Variants in GTF2B observed in about 807,000 individuals in gnomAD.
The protein encoded by GTF2B is transcription initiation factor IIB.
Under a neutral mutation model 34.6 loss-of-function variants are expected in GTF2B, and 20 were observed. The observed-to-expected ratio is 0.58, with a 90% CI of 0.41 to 0.84. The LOEUF (loss-of-function observed/expected upper bound fraction) is 0.84. Ranked by LOEUF, GTF2B falls within the 40% of genes least tolerant of loss-of-function variation. The pLI is 0.00. For missense variants in GTF2B, 237 were observed against 393.3 expected (o/e 0.60, Z 3.36); for synonymous variants, 142 against 132.4 (o/e 1.07, Z -0.50).
chr1:88,860,750 C>T (rs931935445), intron 3 of GTF2B, among the ~76,000 whole-genome samples: 4 of 152,074 alleles, frequency 2.6e-5, no homozygotes, highest in Non-Finnish European at 5.9e-5. Context: ...AATCAAAATT[C>T]GTCTTTGATA....
intron 2 of GTF2B, among the ~76,000 whole-genome samples, chr1:88,884,087 G>C (rs1674010820): frequency 6.8e-6 from 1 of 147,808 alleles, no homozygotes; most frequent in Non-Finnish European, 1.5e-5. Context: ...GAGTGCAGTG[G>C]TGCAATCTCG....
chr1:88,884,619 T>C (rs889407726), intron 2 of GTF2B, among the ~76,000 whole-genome samples: 3 of 152,266 alleles, frequency 2.0e-5, no homozygotes, highest in Non-Finnish European at 2.9e-5. Flanking sequence ...TTAGAAACTT[T>C]AGTTGCAGCC....
chr1:88,868,610 C>T (rs1185984678), intron 2 of GTF2B, among the ~76,000 whole-genome samples: 1 of 152,148 alleles, frequency 6.6e-6, no homozygotes, highest in Non-Finnish European at 1.5e-5. Flanking sequence ...CTCTATTTTT[C>T]AAGAAGAAAC....
At chr1:88,890,265 A>G (rs962689984) in intron 1 of GTF2B, among the ~76,000 whole-genome samples, 2 of 152,190 alleles carry the variant, frequency 1.3e-5, no homozygotes, top group Non-Finnish European at 2.9e-5. Flanking sequence ...AACAACACCC[A>G]GATAGAATGA....
intron 1 of GTF2B, among the ~76,000 whole-genome samples, chr1:88,890,940 C>G (rs943064336): frequency 1.3e-5 from 2 of 152,026 alleles, no homozygotes; most frequent in African/African-American, 4.8e-5. Flanking sequence ...GCTCTAGCTT[C>G]CACTTCCGAG....
chr1:88,886,922 TA>T (rs1237578631), intron 2 of GTF2B, among the ~76,000 whole-genome samples: 2,177 of 146,476 alleles, frequency 0.015, 60 homozygotes, highest in African/African-American at 0.055. Flanking sequence ...TTATTATTAT[TA>T]TTATTTTTTT....
chr1:88,853,676 C>T (rs533329822), intron 6 of GTF2B, among the ~76,000 whole-genome samples: 39 of 151,978 alleles, frequency 2.6e-4, no homozygotes, highest in Non-Finnish European at 4.6e-4. Flanking sequence ...TGGTGGCATG[C>T]GCCTGTAGTC....
chr1:88,883,106 A>G (rs916934418), intron 2 of GTF2B, among the ~76,000 whole-genome samples: 2 of 152,228 alleles, frequency 1.3e-5, no homozygotes, highest in Non-Finnish European at 2.9e-5. Context: ...TTATGATTCA[A>G]ATGTTAACTT....
chr1:88,858,098 T>C (rs140695645), intron 5 of GTF2B, among the ~76,000 whole-genome samples: 89 of 151,948 alleles, frequency 5.9e-4, no homozygotes, highest in African/African-American at 2.1e-3. Context: ...CTCTGCCCCC[T>C]GGGTTCAAGC....
chr1:88,884,345 A>G lies in GTF2B; in HGVS notation c.124+2916T>C, dbSNP rs115299599. Among the ~76,000 whole-genome samples, 1,292 of 152,312 alleles carry G rather than the reference A, an allele frequency of 8.5e-3. 8 individuals are homozygous for G. The highest frequency in any genetic ancestry group is 0.014 in the Non-Finnish European group (974 of 68,034). On this transcript the variant is annotated intron_variant, in intron 2 of 6. Transcript: ENST00000370500. ...CTCGCCCAACACTGACTTCTTGAAT[A>G]AACAACTGCAAAGCAGCAATAACAT...
intron 1 of GTF2B, among the ~76,000 whole-genome samples, chr1:88,890,968 C>A (rs1372098068): frequency 6.6e-6 from 1 of 151,950 alleles, no homozygotes; most frequent in Admixed American, 6.6e-5. Flanking sequence ...GTGATGGTAA[C>A]CAACCAGGTT....
intron 2 of GTF2B, among the ~76,000 whole-genome samples, chr1:88,878,445 A>G (rs929602850): frequency 2.0e-5 from 3 of 152,262 alleles, no homozygotes; most frequent in African/African-American, 7.2e-5. Context: ...GTTGAATAGC[A>G]TTAACTATAG....
At chr1:88,856,272 C>CAAAAAAAAACAAAAA (rs1673303266) in intron 6 of GTF2B, among the ~76,000 whole-genome samples, 1 of 50,042 alleles carries the variant, frequency 2.0e-5, no homozygotes, top group Non-Finnish European at 3.4e-5. Context: ...GTTTCAAAAA[C>CAAAAAAAAACAAAAA]AAAAAAAAAA....
At chr1:88,853,995 A>G (rs1434198481) in intron 6 of GTF2B, among the ~76,000 whole-genome samples, 1 of 152,178 alleles carries the variant, frequency 6.6e-6, no homozygotes, top group Non-Finnish European at 1.5e-5. Context: ...ATATATGAAT[A>G]GTGTTCAGGT....
intron 2 of GTF2B, among the ~76,000 whole-genome samples, chr1:88,876,583 G>C (rs1435218614): frequency 2.6e-5 from 4 of 152,124 alleles, no homozygotes; most frequent in Admixed American, 2.0e-4. Flanking sequence ...TTGGGAAACT[G>C]AGGCAGGAGG....
rs562705880 is a variant in GTF2B at position 88,855,642 on chromosome 1, C to T, written c.817+1564G>A. Among the ~76,000 whole-genome samples, 310 of 151,852 alleles carry T rather than the reference C, an allele frequency of 2.0e-3. 1 individual carries two copies. The highest frequency in any genetic ancestry group is 3.7e-3 in the Non-Finnish European group (249 of 67,956). On this transcript the variant is annotated intron_variant, in intron 6 of 6. Coordinates refer to ENST00000370500, the MANE Select transcript of GTF2B (RefSeq NM_001514.6). ...TGCTGGGATTACACAGGTGAGCCAC[C>T]GCGACCTGCCACCAACTTTTCTTTT...
At chr1:88,876,592 G>A (rs539866004) in intron 2 of GTF2B, among the ~76,000 whole-genome samples, 11 of 152,242 alleles carry the variant, frequency 7.2e-5, no homozygotes, top group African/African-American at 2.4e-4. Context: ...TGAGGCAGGA[G>A]GCTACCTGAG....
At chr1:88,889,403 T>C (rs1674149480) in intron 1 of GTF2B, among the ~76,000 whole-genome samples, 1 of 152,236 alleles carries the variant, frequency 6.6e-6, no homozygotes, top group South Asian at 2.1e-4. Context: ...CCACCACCAC[T>C]GACATTAAAA....
chr1:88,868,410 C>T (rs964503520), intron 2 of GTF2B, among the ~76,000 whole-genome samples: 1 of 152,064 alleles, frequency 6.6e-6, no homozygotes, highest in Non-Finnish European at 1.5e-5. Context: ...TATATATGCA[C>T]GACTCCTCCC....
Sources: gnomAD v4.1 joint callset for allele counts (sites outside exome capture counted in the v4.1 genomes callset) on GRCh38, gnomAD v4.1.1 for gene constraint, MANE v1.5 for transcripts, NCBI Gene and HGNC (gene_info 2026-07-23, HGNC 2026-07-21) for gene names.